The following VWC2L variants were observed in gnomAD, a reference collection of about 807,000 sequenced individuals.
VWC2L encodes the protein von Willebrand factor C domain-containing protein 2-like.
A neutral mutation model predicts 21.6 loss-of-function variants in VWC2L; 10 were observed. The observed-to-expected ratio is 0.46, with a 90% CI of 0.29 to 0.78. The LOEUF is 0.78. Ranked by LOEUF, VWC2L falls within the 30% of genes least tolerant of loss-of-function variation. The pLI, the probability that VWC2L is intolerant of heterozygous loss-of-function variation, is 0.10. For synonymous variants in VWC2L, 96 were observed against 94.3 expected (o/e 1.02, Z -0.10); for missense variants, 209 against 277.1 (o/e 0.75, Z 1.74).
intron 3 of VWC2L, among the ~76,000 whole-genome samples, chr2:214,452,428 G>T (rs1702970857): frequency 6.6e-6 from 1 of 151,968 alleles, no homozygotes; most frequent in South Asian, 2.1e-4. Context: ...TACATGCTGT[G>T]GCATGTATCA....
chr2:214,478,170 C>T (rs553527052), intron 3 of VWC2L, among the ~76,000 whole-genome samples: 1 of 152,184 alleles, frequency 6.6e-6, no homozygotes, highest in Non-Finnish European at 1.5e-5. Context: ...GGTCTTATTC[C>T]TTTAATTTCA....
intron 3 of VWC2L, chr2:214,472,048 T>G (rs575886052): frequency 6.6e-6 from 1 of 152,342 alleles, no homozygotes; most frequent in South Asian, 2.1e-4. Flanking sequence ...CTTAGTGACA[T>G]GATGGCTGGC....
intron 2 of VWC2L, among the ~76,000 whole-genome samples, chr2:214,434,750 T>C (rs963843578): frequency 6.6e-6 from 1 of 152,236 alleles, no homozygotes; most frequent in Non-Finnish European, 1.5e-5. Context: ...TCATCAGTGT[T>C]GGGAATCTAA....
chr2:214,508,849 T>C (rs1051998044), intron 3 of VWC2L, among the ~76,000 whole-genome samples: 1 of 152,172 alleles, frequency 6.6e-6, no homozygotes, highest in African/African-American at 2.4e-5. Flanking sequence ...TTAATCTGAG[T>C]TTTACTGTGG....
At chr2:214,541,548 A>G (rs576939785) in intron 3 of VWC2L, among the ~76,000 whole-genome samples, 1 of 152,328 alleles carries the variant, frequency 6.6e-6, no homozygotes, top group South Asian at 2.1e-4. Context: ...TTGTTTGGGT[A>G]GTGCATGGAT....
intron 3 of VWC2L, among the ~76,000 whole-genome samples, chr2:214,574,050 G>A (rs1559335805): frequency 6.6e-6 from 1 of 152,220 alleles, no homozygotes; most frequent in Non-Finnish European, 1.5e-5. Context: ...GCTGAGGCAG[G>A]AGAATTGCTC....
In VWC2L at chr2:214,478,385, A is replaced by G. The variant is rs992712492; in HGVS notation, c.520+41627A>G. Among the ~76,000 whole-genome samples, 5 of 151,548 alleles carry G rather than the reference A, an allele frequency of 3.3e-5. No homozygotes were observed. The East Asian group carries it at 7.9e-4, about 24-fold the overall frequency. The stretch of plus-strand genomic sequence containing the variant: ...TCCCAGCTACTCAGGAGGCTGAGGC[A>G]GGAGAATCGCTTGAACCCAGGAGGC... On this transcript the variant is annotated intron_variant, in intron 3 of 3. Transcript: ENST00000312504.
chr2:214,566,489 C>A (rs1020126040), intron 3 of VWC2L, among the ~76,000 whole-genome samples: 7 of 152,172 alleles, frequency 4.6e-5, no homozygotes, highest in Non-Finnish European at 1.0e-4. Context: ...TTCAGCAATA[C>A]TGAATTTTCA....
rs1197842664 is a variant in VWC2L at position 214,563,533 on chromosome 2, C to T, written c.521-12139C>T. On this transcript the variant is annotated intron_variant, in intron 3 of 3. Coordinates refer to ENST00000312504, the MANE Select transcript of VWC2L (RefSeq NM_001080500.4). ...CTGCACTCCAGCCTGGGTGACACAG[C>T]AAGACTCCGTCTCAAAAAAAAAAAA... Among the ~76,000 whole-genome samples the T allele has an allele frequency of 7.0e-5, 6 of 85,958 alleles. No individual in the cohort carries two copies. The South Asian group carries it at 1.3e-3, about 18-fold the overall frequency. 56.4% of individuals were successfully genotyped at this position (85,958 alleles called of 152,430 possible).
intron 3 of VWC2L, among the ~76,000 whole-genome samples, chr2:214,460,743 TTC>T (rs1370010116): frequency 6.6e-6 from 1 of 152,256 alleles, no homozygotes. Context: ...TTATTTTAAA[TTC>T]TTTTTCAAGC....
intron 3 of VWC2L, among the ~76,000 whole-genome samples, chr2:214,479,902 C>T (rs190207789): frequency 6.6e-6 from 1 of 152,296 alleles, no homozygotes; most frequent in East Asian, 1.9e-4. Context: ...TGTGGTTCCG[C>T]ATCCATGGAT....
chr2:214,462,598 A>T (rs1213306849), intron 3 of VWC2L, among the ~76,000 whole-genome samples: 3 of 152,124 alleles, frequency 2.0e-5, no homozygotes, highest in Non-Finnish European at 4.4e-5. Context: ...CCTTAGTCTG[A>T]CTAGAAATTT....
intron 3 of VWC2L, among the ~76,000 whole-genome samples, chr2:214,490,117 T>C (rs1212872444): frequency 2.6e-5 from 4 of 152,098 alleles, no homozygotes; most frequent in Non-Finnish European, 4.4e-5. Context: ...TCTGAGCTGA[T>C]GATATATTTG....
At chr2:214,423,018 A>T (rs1422505992) in intron 2 of VWC2L, among the ~76,000 whole-genome samples, 5 of 152,168 alleles carry the variant, frequency 3.3e-5, no homozygotes, top group Non-Finnish European at 2.9e-5. Flanking sequence ...AGTATTGAAG[A>T]TTTGAAGATT....
intron 2 of VWC2L, among the ~76,000 whole-genome samples, chr2:214,424,648 G>A (rs1702495689): frequency 6.6e-6 from 1 of 152,124 alleles, no homozygotes; most frequent in South Asian, 2.1e-4. Context: ...AAATTTATGT[G>A]ACAGTAGAAC....
intron 3 of VWC2L, among the ~76,000 whole-genome samples, chr2:214,520,056 T>TACAC (rs1393314687): frequency 3.1e-5 from 1 of 32,236 alleles, no homozygotes; most frequent in Non-Finnish European, 7.3e-5. Flanking sequence ...TTGCTCCTGT[T>TACAC]ATACACACAC....
intron 3 of VWC2L, among the ~76,000 whole-genome samples, chr2:214,499,342 A>G (rs1288892947): frequency 1.3e-5 from 2 of 152,040 alleles, no homozygotes; most frequent in Non-Finnish European, 2.9e-5. Flanking sequence ...CTTTCAGATA[A>G]AATTGAAGGG....
At chr2:214,540,981 G>A (rs1329719994) in intron 3 of VWC2L, among the ~76,000 whole-genome samples, 1 of 151,972 alleles carries the variant, frequency 6.6e-6, no homozygotes, top group African/African-American at 2.4e-5. Flanking sequence ...TCTTCTTCCA[G>A]CCCAGGTGCA....
At chr2:214,465,804 T>C (rs1321058566) in intron 3 of VWC2L, among the ~76,000 whole-genome samples, 1 of 152,202 alleles carries the variant, frequency 6.6e-6, no homozygotes, top group Non-Finnish European at 1.5e-5. Flanking sequence ...ACTGTCGAGA[T>C]GGGCAATTCC....
Sources: gnomAD v4.1 joint callset for allele counts (sites outside exome capture counted in the v4.1 genomes callset) on GRCh38, gnomAD v4.1.1 for gene constraint, MANE v1.5 for transcripts, NCBI Gene and HGNC (gene_info 2026-07-23, HGNC 2026-07-21) for gene names.